Variants in ITPR2 observed in about 807,000 individuals in gnomAD.
The protein encoded by ITPR2 is inositol 1,4,5-trisphosphate-gated calcium channel ITPR2.
A neutral mutation model predicts 317.1 loss-of-function variants in ITPR2; 207 were observed. That is an observed-to-expected ratio of 0.65 (90% CI 0.58 to 0.73). The LOEUF is 0.73. ITPR2 is among the 30% of genes least tolerant of loss of function. The pLI is 0.00. For synonymous variants in ITPR2, 1,156 were observed against 1,149.1 expected, an observed-to-expected ratio of 1.01 and a Z score of -0.12; for missense variants, 2,613 against 3,284.0, an observed-to-expected ratio of 0.80 and a Z score of 4.99.
intron 34 of ITPR2, among the ~76,000 whole-genome samples, chr12:26,567,599 G>T (rs1945011276): frequency 2.6e-5 from 4 of 152,088 alleles, no homozygotes; most frequent in South Asian, 2.1e-4. Context: ...TTGAGAAAAA[G>T]ATTTTTTGAG....
rs116686835 is a variant in ITPR2, at chr12:26,603,995, C to T, written c.3463-1289G>A. Among the ~76,000 whole-genome samples, 1,404 of 152,198 alleles carry T rather than the reference C, an allele frequency of 9.2e-3. 20 individuals are homozygous for T. The highest frequency in any genetic ancestry group is 0.032 in the African/African-American group (1,341 of 41,510). On this transcript the variant is annotated intron_variant, in intron 26 of 56. Coordinates refer to ENST00000381340, the MANE Select transcript of ITPR2 (RefSeq NM_002223.4). Reference sequence around the variant, plus strand: ...TCCTGACTATAATGATGGTGTTAGGCGCTTGCAGTTAAAGGGGACCCTAGT... The same window carrying T: ...TCCTGACTATAATGATGGTGTTAGGTGCTTGCAGTTAAAGGGGACCCTAGT...
In ITPR2 at chr12:26,457,491, G is replaced by A. The variant is rs1941920911; in HGVS notation, c.6343-13841C>T. Among the ~76,000 whole-genome samples the A allele has an allele frequency of 3.3e-5, 5 of 152,194 alleles. No individual in the cohort carries two copies. The South Asian group carries it at 1.0e-3, about 32-fold the overall frequency. On this transcript the variant is annotated intron_variant, in intron 45 of 56. Coordinates refer to ENST00000381340, the MANE Select transcript of ITPR2 (RefSeq NM_002223.4). ...TGAGCAGAGAGGTGACATAATCTGT[G>A]TTATATTTTTAAGGGTTCATTGTTG...
At chr12:26,657,105 A>G (rs1424700318) in intron 18 of ITPR2, among the ~76,000 whole-genome samples, 2 of 152,188 alleles carry the variant, frequency 1.3e-5, no homozygotes, top group African/African-American at 2.4e-5. Flanking sequence ...GATTCTTGCC[A>G]TTTGGGCCCA....
intron 34 of ITPR2, among the ~76,000 whole-genome samples, chr12:26,563,926 T>C (rs770658037): frequency 1.1e-4 from 16 of 152,150 alleles, no homozygotes; most frequent in Non-Finnish European, 2.2e-4. Context: ...GGAAAACCAA[T>C]ACCATTAAGA....
chr12:26,541,854 T>C (rs1944271012), intron 37 of ITPR2, among the ~76,000 whole-genome samples: 1 of 152,158 alleles, frequency 6.6e-6, no homozygotes, highest in African/African-American at 2.4e-5. Context: ...ATAAATTTCT[T>C]GTTAACTCAG....
chr12:26,415,179 C>G, intron 51 of ITPR2, 124 bp downstream of exon 51: 1 of 651,630 alleles, frequency 1.5e-6, no homozygotes, highest in Non-Finnish European at 2.6e-6. Flanking sequence ...GTAAACAAAA[C>G]ATATTCTCAA....
At chr12:26,410,295 G>A (rs1228293424) in intron 52 of ITPR2, among the ~76,000 whole-genome samples, 7 of 152,140 alleles carry the variant, frequency 4.6e-5, no homozygotes, top group Non-Finnish European at 7.4e-5. Context: ...TGCTGGTGAC[G>A]GCTGCCCACA....
chr12:26,612,923 C>T (rs1044878884), intron 26 of ITPR2, among the ~76,000 whole-genome samples: 2 of 152,192 alleles, frequency 1.3e-5, no homozygotes, highest in South Asian at 2.1e-4. Flanking sequence ...CAGAATAGGC[C>T]TATGCGCAGA....
intron 50 of ITPR2, among the ~76,000 whole-genome samples, chr12:26,417,981 C>G (rs144603632): frequency 1.6e-4 from 24 of 152,192 alleles, no homozygotes; most frequent in Middle Eastern, 6.8e-3. Flanking sequence ...TCTGGTGAAT[C>G]AGGGCAAAAA....
intron 21 of ITPR2, among the ~76,000 whole-genome samples, chr12:26,649,808 GA>G (rs1947202165): frequency 6.6e-6 from 1 of 151,432 alleles, no homozygotes; most frequent in Non-Finnish European, 1.5e-5. Flanking sequence ...TAGATAGATA[GA>G]TAGATAGATA....
chr12:26,597,233 G>T, intron 30 of ITPR2, 99 bp from the exon 31 acceptor site: 1 of 1,281,348 alleles, frequency 7.8e-7, no homozygotes, highest in Non-Finnish European at 1.1e-6. Flanking sequence ...ATATCTCTTC[G>T]TAAAAACATA....
At position 26,486,200 on chromosome 12, in the gene ITPR2, G is replaced by A. The variant is rs113629369; in HGVS notation, c.5715C>T (p.Ser1905=). The stretch of plus-strand genomic sequence containing the variant: ...CGGGACTCATTGTTACTTCCTCTGC[G>A]GATTTTTCCTCAGTGTTTCCCGCTT... The part of the protein sequence containing the change: ...GPEAGNTEEK[S]AEEVTMSPAI... The change falls in exon 41 of 57, where the codon TCC becomes TCT. Residue 1905 remains serine (S), a synonymous_variant. Coordinates refer to ENST00000381340, the MANE Select transcript of ITPR2 (RefSeq NM_002223.4). The A allele has an allele frequency of 7.4e-5, 120 of 1,614,052 alleles. 1 individual carries two copies. In the South Asian group the frequency reaches 1.2e-3, roughly 16 times the overall value.
At chr12:26,807,623 T>G (rs1950661273) in intron 1 of ITPR2, among the ~76,000 whole-genome samples, 1 of 152,250 alleles carries the variant, frequency 6.6e-6, no homozygotes, top group African/African-American at 2.4e-5. Context: ...TTGTCTTTTT[T>G]GTACATATGT....
chr12:26,488,778 A>G (rs192615830), intron 39 of ITPR2, among the ~76,000 whole-genome samples: 71 of 152,326 alleles, frequency 4.7e-4, no homozygotes, highest in Admixed American at 2.6e-3. Context: ...ATTAATGAGG[A>G]GTTATGAGAA....
At chr12:26,358,518 A>T (rs1938712980) in intron 55 of ITPR2, among the ~76,000 whole-genome samples, 1 of 151,916 alleles carries the variant, frequency 6.6e-6, no homozygotes, top group African/African-American at 2.4e-5. Flanking sequence ...TTTCTTACCC[A>T]TTCTGCCTGA....
At chr12:26,793,550 A>G (rs1950379160) in intron 1 of ITPR2, among the ~76,000 whole-genome samples, 1 of 152,172 alleles carries the variant, frequency 6.6e-6, no homozygotes, top group African/African-American at 2.4e-5. Flanking sequence ...GCCCAGTATA[A>G]TTTTATAATT....
In ITPR2 at chr12:26,544,579, CACAG is replaced by C. The variant is rs1331511454; in HGVS notation, c.5073+5664_5073+5667del. On this transcript the variant is annotated intron_variant, in intron 37 of 56. Transcript: ENST00000381340. Reference sequence around the variant, plus strand: ...AGTTTCACACATAGACACACACACACACAGACAAACACACAGAGACACACAGACA... The same window carrying C: ...AGTTTCACACATAGACACACACACACACAAACACACAGAGACACACAGACA... 5.5e-3 allele frequency among the ~76,000 whole-genome samples: 639 copies of C among 115,138 alleles called. 4 individuals carry two copies. Among genetic ancestry groups the C allele is most frequent in the South Asian group, 0.031 (108 of 3,500 alleles). The allele number at this position is 115,138 out of a possible 152,430, so 75.5% of individuals were successfully genotyped here.
intron 2 of ITPR2, among the ~76,000 whole-genome samples, chr12:26,789,174 A>C (rs1167259166): frequency 6.6e-6 from 1 of 152,166 alleles, no homozygotes; most frequent in Non-Finnish European, 1.5e-5. Context: ...ATCTCTTATA[A>C]AGTGACCAAT....
chr12:26,595,681 G>C, intron 31 of ITPR2, 91 bp from the exon 32 acceptor site: 1 of 1,027,894 alleles, frequency 9.7e-7, no homozygotes, highest in Non-Finnish European at 1.4e-6. Flanking sequence ...AAATCTGTTA[G>C]TTTTTATGGT....
Sources: gnomAD v4.1 joint callset for allele counts (sites outside exome capture counted in the v4.1 genomes callset) on GRCh38, gnomAD v4.1.1 for gene constraint, MANE v1.5 for transcripts, NCBI Gene and HGNC (gene_info 2026-07-23, HGNC 2026-07-21) for gene names.